Variants in CTNND2 observed in about 807,000 individuals in gnomAD.
The protein encoded by CTNND2 is catenin delta 2, also known as catenin delta-2.
A neutral mutation model predicts 144.4 loss-of-function variants in CTNND2; 22 were observed. The ratio of observed to expected loss-of-function variants is 0.15; its 90% CI spans 0.11 to 0.22. The LOEUF (loss-of-function observed/expected upper bound fraction) is 0.22, where lower values mean the gene tolerates loss of function less well. CTNND2 is among the 10% of genes least tolerant of loss of function. The pLI, the probability that CTNND2 is intolerant of heterozygous loss-of-function variation, is 1.00. For synonymous variants in CTNND2, 751 were observed against 695.6 expected, an observed-to-expected ratio of 1.08 and a Z score of -1.25; for missense variants, 1,353 against 1,618.8, an observed-to-expected ratio of 0.84 and a Z score of 2.82.
rs1171581807 is a variant in CTNND2, at chr5:11,847,126, TTTTATATATATATATATATATA to T, written c.37+56669_37+56690del. On this transcript the variant is annotated intron_variant, in intron 1 of 21. Coordinates refer to ENST00000304623, the MANE Select transcript of CTNND2 (RefSeq NM_001332.4). ...GGAAATAAAATCAGTATGTCAAAGATTTTATATATATATATATATATATATATATATATATATATATATATAT... is the reference window on the plus strand; with the variant it reads ...GGAAATAAAATCAGTATGTCAAAGATTATATATATATATATATATATATAT... Among the ~76,000 whole-genome samples the T allele has an allele frequency of 8.5e-3, 892 of 105,482 alleles. 21 individuals carry two copies. Among genetic ancestry groups the T allele is most frequent in the African/African-American group, 0.027 (853 of 31,848 alleles). The allele number at this position is 105,482 out of a possible 152,430, so 69.2% of individuals were successfully genotyped here.
At chr5:11,874,752 C>T (rs555227148) in intron 1 of CTNND2, among the ~76,000 whole-genome samples, 10 of 152,302 alleles carry the variant, frequency 6.6e-5, no homozygotes, top group Non-Finnish European at 1.5e-4. Flanking sequence ...TTTTAGACCA[C>T]AGTTGACTGT....
chr5:11,685,994 T>C (rs1561692930), intron 2 of CTNND2, among the ~76,000 whole-genome samples: 1 of 152,084 alleles, frequency 6.6e-6, no homozygotes, highest in Non-Finnish European at 1.5e-5. Context: ...AGCTTTGAGC[T>C]CAGGAATTCA....
At position 11,067,078 on chromosome 5, in the gene CTNND2, G is replaced by C. The variant is rs151113072; in HGVS notation, c.2788+15618C>G. Among the ~76,000 whole-genome samples, 201 of 152,292 alleles carry C rather than the reference G, an allele frequency of 1.3e-3. 1 individual carries two copies. In the Middle Eastern group the frequency reaches 0.014, roughly 10 times the overall value. ...GACAGGGCCTGGGGAAGGGACAAGA[G>C]GGAAGAGCTTATGAAAAATCCTGTT... On this transcript the variant is annotated intron_variant, in intron 16 of 21. Transcript: ENST00000304623.
At chr5:11,349,005 G>C (rs1755076186) in intron 8 of CTNND2, among the ~76,000 whole-genome samples, 1 of 152,108 alleles carries the variant, frequency 6.6e-6, no homozygotes, top group Non-Finnish European at 1.5e-5. Context: ...TTAGAGCTTG[G>C]TTTCTAAAGG....
In CTNND2 at chr5:11,551,707, T is replaced by C. The variant is rs554789553; in HGVS notation, c.287+13237A>G. On this transcript the variant is annotated intron_variant, in intron 3 of 21. Transcript: ENST00000304623. Reference sequence around the variant, plus strand: ...TCTGCCTCCCAGATTCAAGTGATTCTACTGCCTCAGCCTCCCCAGTAGCTG... The same window carrying C: ...TCTGCCTCCCAGATTCAAGTGATTCCACTGCCTCAGCCTCCCCAGTAGCTG... Among the ~76,000 whole-genome samples the C allele has an allele frequency of 3.9e-5, 6 of 152,302 alleles. No homozygotes were observed. The South Asian group carries it at 1.2e-3, about 32-fold the overall frequency.
At chr5:10,993,571 C>T (rs559344703) in intron 18 of CTNND2, among the ~76,000 whole-genome samples, 1 of 152,270 alleles carries the variant, frequency 6.6e-6, no homozygotes, top group Non-Finnish European at 1.5e-5. Context: ...TTTACAGAGG[C>T]CATTGCTTTC....
At chr5:11,126,849 G>C (rs1287513141) in intron 12 of CTNND2, among the ~76,000 whole-genome samples, 1 of 152,168 alleles carries the variant, frequency 6.6e-6, no homozygotes, top group Non-Finnish European at 1.5e-5. Flanking sequence ...GTCATGGGTG[G>C]TAACTTAAAA....
chr5:11,064,647 T>TA (rs2149601121), intron 16 of CTNND2, among the ~76,000 whole-genome samples: 1 of 148,576 alleles, frequency 6.7e-6, no homozygotes, highest in South Asian at 2.2e-4. Context: ...TACAGCTGTT[T>TA]AAACCCCCTA....
chr5:11,618,876 C>A (rs1780702254), intron 2 of CTNND2, among the ~76,000 whole-genome samples: 2 of 152,208 alleles, frequency 1.3e-5, no homozygotes, highest in African/African-American at 4.8e-5. Context: ...TCATTCTCAG[C>A]TAAATGTAAA....
At chr5:11,732,906 G>A (rs1013056591) in intron 1 of CTNND2, among the ~76,000 whole-genome samples, 3 of 151,862 alleles carry the variant, frequency 2.0e-5, no homozygotes, top group East Asian at 1.9e-4. Context: ...TGCCCCCTAC[G>A]TCCTGGGGAA....
intron 3 of CTNND2, among the ~76,000 whole-genome samples, chr5:11,480,866 C>T (rs143034036): frequency 9.9e-5 from 15 of 152,092 alleles, no homozygotes; most frequent in Non-Finnish European, 2.1e-4. Context: ...TGTTTCTTTC[C>T]AAATGTTACT....
At chr5:11,605,765 G>A (rs982302465) in intron 2 of CTNND2, among the ~76,000 whole-genome samples, 1 of 152,128 alleles carries the variant, frequency 6.6e-6, no homozygotes, top group Non-Finnish European at 1.5e-5. Context: ...GTGATGGAGG[G>A]AGAGAAGAAA....
chr5:11,562,616 A>T (rs1021600047), intron 3 of CTNND2, among the ~76,000 whole-genome samples: 1 of 152,246 alleles, frequency 6.6e-6, no homozygotes, highest in Non-Finnish European at 1.5e-5. Flanking sequence ...TCTTCACTCA[A>T]CACTATTATT....
chr5:11,821,462 G>A (rs1282031270), intron 1 of CTNND2, among the ~76,000 whole-genome samples: 2 of 152,100 alleles, frequency 1.3e-5, no homozygotes, highest in Non-Finnish European at 1.5e-5. Context: ...CATTTCTGTC[G>A]CTTTAAGGGT....
chr5:11,459,818 A>G (rs1369583994), intron 3 of CTNND2, among the ~76,000 whole-genome samples: 1 of 152,222 alleles, frequency 6.6e-6, no homozygotes, highest in Admixed American at 6.5e-5. Flanking sequence ...TTATGATTCT[A>G]TAAGTACATT....
At chr5:11,558,341 C>CACGTGTGTGTGTGTGTGT (rs1554083650) in intron 3 of CTNND2, among the ~76,000 whole-genome samples, 2 of 132,226 alleles carry the variant, frequency 1.5e-5, no homozygotes, top group South Asian at 5.4e-4. Context: ...GTGAGAAACA[C>CACGTGTGTGTGTGTGTGT]GTGTGTGTGT....
At chr5:11,884,099 G>A (rs1250985387) in intron 1 of CTNND2, among the ~76,000 whole-genome samples, 2 of 152,050 alleles carry the variant, frequency 1.3e-5, no homozygotes, top group African/African-American at 2.4e-5. Flanking sequence ...TGGGTAGATT[G>A]CAAAAATTTT....
chr5:11,457,442 C>T (rs1429681009), intron 3 of CTNND2, among the ~76,000 whole-genome samples: 2 of 152,152 alleles, frequency 1.3e-5, no homozygotes, highest in Non-Finnish European at 2.9e-5. Context: ...TCAGTCATCA[C>T]ATTAACCAAT....
At chr5:11,509,076 G>T (rs1433692404) in intron 3 of CTNND2, among the ~76,000 whole-genome samples, 1 of 152,120 alleles carries the variant, frequency 6.6e-6, no homozygotes, top group East Asian at 1.9e-4. Context: ...GTAACTTTTT[G>T]ATACTTTTGA....
Sources: gnomAD v4.1 joint callset for allele counts (sites outside exome capture counted in the v4.1 genomes callset) on GRCh38, gnomAD v4.1.1 for gene constraint, MANE v1.5 for transcripts, NCBI Gene and HGNC (gene_info 2026-07-23, HGNC 2026-07-21) for gene names.